ITPR1: variants seen among roughly 807,000 people sequenced by gnomAD.
ITPR1 encodes inositol 1,4,5-trisphosphate receptor type 1.
A neutral mutation model predicts 318.4 loss-of-function variants in ITPR1; 96 were observed. The ratio of observed to expected loss-of-function variants is 0.30; its 90% CI spans 0.26 to 0.36. The LOEUF (loss-of-function observed/expected upper bound fraction) is 0.36, where lower values mean the gene tolerates loss of function less well. Among genes scored for constraint, ITPR1 ranks in the 10% least tolerant of loss-of-function variants. ITPR1 has a pLI of 1.00. For synonymous variants in ITPR1, 1,312 were observed against 1,289.9 expected, an observed-to-expected ratio of 1.02 and a Z score of -0.37; for missense variants, 2,440 against 3,460.2, an observed-to-expected ratio of 0.71 and a Z score of 7.40.
chr3:4,733,664 C>T (rs918544598), intron 43 of ITPR1, among the ~76,000 whole-genome samples: 8 of 152,186 alleles, frequency 5.3e-5, no homozygotes, highest in Non-Finnish European at 1.0e-4. Flanking sequence ...TTTCTCCTCC[C>T]AGCTACTCAT....
intron 24 of ITPR1, among the ~76,000 whole-genome samples, chr3:4,677,711 A>G (rs2094212678): frequency 6.6e-6 from 1 of 152,162 alleles, no homozygotes; most frequent in African/African-American, 2.4e-5. Flanking sequence ...AACATGGTTT[A>G]TTTTTGTTGT....
At chr3:4,716,182 T>A (rs1247308973) in intron 39 of ITPR1, among the ~76,000 whole-genome samples, 6 of 152,222 alleles carry the variant, frequency 3.9e-5, no homozygotes, top group Non-Finnish European at 7.3e-5. Flanking sequence ...TCTCTGCTTT[T>A]AATCTACAGT....
In ITPR1 at chr3:4,642,251, C is replaced by T. The variant is rs539657017; in HGVS notation, c.525C>T (p.Ser175=). The T allele has an allele frequency of 7.8e-6, 12 of 1,537,780 alleles. No homozygotes were observed. The highest frequency in any genetic ancestry group is 2.3e-5 in the East Asian group (1 of 43,174). The change falls in exon 7 of 62, where the codon AGC becomes AGT. Residue 175 remains serine, a splice_region_variant and synonymous_variant. Coordinates refer to ENST00000649015, the MANE Select transcript of ITPR1 (RefSeq NM_001378452.1). ...PFYKLRSIGD[S]VVIGDKVVLN... Reference sequence around the variant, plus strand: ...ACAAGCTGCGATCCATTGGAGACAGCGTAAGTGCGGATTCTCCACCTAGAA... The same window carrying T: ...ACAAGCTGCGATCCATTGGAGACAGTGTAAGTGCGGATTCTCCACCTAGAA...
intron 48 of ITPR1, among the ~76,000 whole-genome samples, chr3:4,777,773 A>G (rs1334917586): frequency 7.3e-6 from 1 of 137,888 alleles, no homozygotes; most frequent in Admixed American, 7.8e-5. Context: ...TAGTACAACT[A>G]AGCCTATCTA....
chr3:4,556,342 T>C (rs2086124540), intron 4 of ITPR1, among the ~76,000 whole-genome samples: 1 of 152,130 alleles, frequency 6.6e-6, no homozygotes, highest in South Asian at 2.1e-4. Flanking sequence ...TACGTTAAGG[T>C]TCATTCTCGA....
intron 4 of ITPR1, among the ~76,000 whole-genome samples, chr3:4,560,753 C>T (rs943848056): frequency 6.6e-6 from 1 of 152,206 alleles, no homozygotes; most frequent in African/African-American, 2.4e-5. Flanking sequence ...GCCTCTGCCA[C>T]TTAATCTATC....
chr3:4,771,404 G>C (rs2046174597), intron 46 of ITPR1, among the ~76,000 whole-genome samples: 1 of 152,210 alleles, frequency 6.6e-6, no homozygotes, highest in African/African-American at 2.4e-5. Context: ...GTGCCAATGT[G>C]CTTGTTCCCG....
intron 4 of ITPR1, among the ~76,000 whole-genome samples, chr3:4,542,438 C>A (rs1251740108): frequency 1.3e-5 from 2 of 152,116 alleles, no homozygotes; most frequent in African/African-American, 4.8e-5. Context: ...AAATCAAATT[C>A]TTTGCCTGAA....
chr3:4,693,298 C>G (rs1247029416), intron 32 of ITPR1, among the ~76,000 whole-genome samples, 192 bp from the exon 33 acceptor site: 2 of 152,084 alleles, frequency 1.3e-5, no homozygotes, highest in African/African-American at 4.8e-5. Flanking sequence ...ATTTCTGTAT[C>G]TGTGGACTAA....
At chr3:4,764,426 C>A (rs1237848745) in intron 44 of ITPR1, among the ~76,000 whole-genome samples, 1 of 152,184 alleles carries the variant, frequency 6.6e-6, no homozygotes. Context: ...TTTGCTGGGC[C>A]TCTTCTAGGT....
At chr3:4,541,620 A>G (rs1202798673) in intron 4 of ITPR1, among the ~76,000 whole-genome samples, 1 of 151,104 alleles carries the variant, frequency 6.6e-6, no homozygotes, top group African/African-American at 2.4e-5. Flanking sequence ...GCTGTTATCT[A>G]TTCAAATACC....
chr3:4,602,544 A>C (rs949580351), intron 4 of ITPR1, among the ~76,000 whole-genome samples: 170 of 152,096 alleles, frequency 1.1e-3, no homozygotes, highest in African/African-American at 3.6e-3. Context: ...AAAAAAAAAA[A>C]AAAAACTTGT....
At chr3:4,566,001 G>A (rs1026643098) in intron 4 of ITPR1, among the ~76,000 whole-genome samples, 2 of 152,206 alleles carry the variant, frequency 1.3e-5, no homozygotes, top group African/African-American at 4.8e-5. Flanking sequence ...GTGAATCTGA[G>A]TGGCGTAATG....
chr3:4,593,423 G>A (rs1031915066), intron 4 of ITPR1, among the ~76,000 whole-genome samples: 10 of 152,304 alleles, frequency 6.6e-5, no homozygotes, highest in South Asian at 6.2e-4. Context: ...TCAAGAAGGC[G>A]AGAGATCAGA....
Position 4,678,059 on chromosome 3 carries a change from C to T in ITPR1, c.2967+1258C>T, listed in dbSNP as rs191601081. 2.0e-3 allele frequency among the ~76,000 whole-genome samples: 309 copies of T among 152,194 alleles called. 4 individuals are homozygous for T. Among genetic ancestry groups the T allele is most frequent in the African/African-American group, 6.8e-3 (284 of 41,512 alleles). On this transcript the variant is annotated intron_variant, in intron 24 of 61. Transcript: ENST00000649015. ...TTTTTTTTATCCCATGTTGCCTGAT[C>T]TCAACCCCAACAGATGTAGTAGAAA...
intron 49 of ITPR1, among the ~76,000 whole-genome samples, chr3:4,781,688 AAAAT>A (rs2046847996): frequency 6.6e-6 from 1 of 152,226 alleles, no homozygotes; most frequent in South Asian, 2.1e-4. Flanking sequence ...ATCCACTAAC[AAAAT>A]AAATAAGGAA....
intron 4 of ITPR1, among the ~76,000 whole-genome samples, chr3:4,618,434 G>A (rs775765085): frequency 6.6e-6 from 1 of 152,244 alleles, no homozygotes; most frequent in African/African-American, 2.4e-5. Flanking sequence ...ACACTTCTCT[G>A]TTCCTCCTCC....
At chr3:4,546,456 C>A (rs2085009702) in intron 4 of ITPR1, among the ~76,000 whole-genome samples, 1 of 152,144 alleles carries the variant, frequency 6.6e-6, no homozygotes, top group South Asian at 2.1e-4. Flanking sequence ...GAGGTAGAGC[C>A]AAGACTTGGA....
At chr3:4,525,865 G>A (rs1010075993) in intron 4 of ITPR1, among the ~76,000 whole-genome samples, 2 of 152,032 alleles carry the variant, frequency 1.3e-5, no homozygotes, top group African/African-American at 4.8e-5. Context: ...AGCTCCCCCG[G>A]TGCTAAATAT....
Sources: gnomAD v4.1 joint callset for allele counts (sites outside exome capture counted in the v4.1 genomes callset) on GRCh38, gnomAD v4.1.1 for gene constraint, MANE v1.5 for transcripts, NCBI Gene and HGNC (gene_info 2026-07-23, HGNC 2026-07-21) for gene names.